The following PCTP variants were observed in gnomAD, a reference collection of about 807,000 sequenced individuals.
PCTP encodes phosphatidylcholine transfer protein.
Under a neutral mutation model 31.0 loss-of-function variants are expected in PCTP, and 27 were observed. The observed-to-expected ratio is 0.87, with a 90% confidence interval of 0.64 to 1.20. The LOEUF (loss-of-function observed/expected upper bound fraction) is 1.20. Among genes scored for constraint, PCTP ranks in the 50% most tolerant of loss-of-function variants. The pLI, the probability that PCTP is intolerant of heterozygous loss-of-function variation, is 0.00. For missense variants in PCTP, 287 were observed against 268.2 expected, an observed-to-expected ratio of 1.07 and a Z score of -0.49; for synonymous variants, 108 against 101.2, an observed-to-expected ratio of 1.07 and a Z score of -0.40.
At chr17:55,818,122 T>G (rs1174390218) in intron 3 of PCTP, among the ~76,000 whole-genome samples, 2 of 152,082 alleles carry the variant, frequency 1.3e-5, no homozygotes. Context: ...AAAGTAAGAA[T>G]AGAAGTTAGC....
At chr17:55,838,701 C>G (rs979577480) in intron 5 of PCTP, among the ~76,000 whole-genome samples, 3 of 152,180 alleles carry the variant, frequency 2.0e-5, no homozygotes, top group African/African-American at 7.2e-5. Flanking sequence ...TAATGTGAAC[C>G]AAGCAATTTA....
intron 1 of PCTP, among the ~76,000 whole-genome samples, chr17:55,757,426 T>G (rs986698771): frequency 6.8e-6 from 1 of 147,534 alleles, no homozygotes; most frequent in East Asian, 2.1e-4. Flanking sequence ...AGTATCCTGG[T>G]TTTGCAAATG....
At chr17:55,783,594 G>A (rs933179494) in intron 2 of PCTP, among the ~76,000 whole-genome samples, 3 of 152,190 alleles carry the variant, frequency 2.0e-5, no homozygotes, top group African/African-American at 7.2e-5. Context: ...CTTATGAGGG[G>A]CTGGATCTGC....
intron 1 of PCTP, 34 bp from the exon 2 acceptor site, chr17:55,767,300 AC>A: frequency 1.5e-6 from 2 of 1,324,562 alleles, no homozygotes; most frequent in Non-Finnish European, 2.1e-6. Context: ...CAACTTGGGA[AC>A]CAATAGACAT....
In PCTP at chr17:55,773,908, G is replaced by A. The variant is rs780788256; in HGVS notation, c.511+13G>A. The A allele has an allele frequency of 5.7e-6, 9 of 1,579,082 alleles. No homozygotes were observed. Among genetic ancestry groups the A allele is most frequent in the Non-Finnish European group, 7.8e-6 (9 of 1,159,362 alleles). On this transcript the variant is annotated intron_variant, in intron 4 of 5. Transcript: ENST00000268896. The stretch of plus-strand genomic sequence containing the variant: ...AAGGGGAGCAAAGGTAAAACCCATG[G>A]TGCCTGTCAGTGCACCCAGCCAGGG...
intron 5 of PCTP, among the ~76,000 whole-genome samples, chr17:55,841,400 G>A (rs944897391): frequency 6.6e-5 from 10 of 152,224 alleles, no homozygotes; most frequent in African/African-American, 2.4e-4. Flanking sequence ...AGAGTTGGGT[G>A]AGCATGGAGG....
intron 1 of PCTP, among the ~76,000 whole-genome samples, chr17:55,752,700 C>T (rs1256129401): frequency 6.6e-6 from 1 of 152,126 alleles, no homozygotes; most frequent in Non-Finnish European, 1.5e-5. Context: ...GCTAAGCTGC[C>T]ATATTTACTT....
intron 2 of PCTP, among the ~76,000 whole-genome samples, chr17:55,768,546 G>C (rs2144949488): frequency 6.6e-6 from 1 of 152,328 alleles, no homozygotes; most frequent in South Asian, 2.1e-4. Flanking sequence ...TGTTGGGTTG[G>C]TTGGAGTAAG....
chr17:55,791,245 G>A (rs1325507166), intron 3 of PCTP, among the ~76,000 whole-genome samples: 3 of 152,002 alleles, frequency 2.0e-5, no homozygotes, highest in Non-Finnish European at 4.4e-5. Context: ...ACAGGCATGG[G>A]CAAGGACTTC....
At chr17:55,757,094 G>A (rs909213563) in intron 1 of PCTP, among the ~76,000 whole-genome samples, 4 of 151,582 alleles carry the variant, frequency 2.6e-5, no homozygotes, top group African/African-American at 4.8e-5. Context: ...AGTGTGTATT[G>A]GAATCTCAAA....
At chr17:55,805,307 C>A (rs890525305) in intron 3 of PCTP, among the ~76,000 whole-genome samples, 51 of 152,038 alleles carry the variant, frequency 3.4e-4, no homozygotes, top group African/African-American at 1.2e-3. Flanking sequence ...ATACCCATTA[C>A]CCAATAGTGA....
chr17:55,753,045 C>G (rs1035000852), intron 1 of PCTP, among the ~76,000 whole-genome samples: 4 of 152,220 alleles, frequency 2.6e-5, no homozygotes, highest in African/African-American at 4.8e-5. Context: ...GCCACCACAC[C>G]CAGCCAGGCA....
chr17:55,771,210 T>C, intron 3 of PCTP, 25 bp downstream of exon 3: 3 of 1,549,452 alleles, frequency 1.9e-6, no homozygotes, highest in Middle Eastern at 1.7e-4. Context: ...AGGTACTCAT[T>C]CCCTGGCCCT....
chr17:55,837,343 A>G (rs568846621), intron 5 of PCTP, among the ~76,000 whole-genome samples: 3 of 152,342 alleles, frequency 2.0e-5, no homozygotes, highest in East Asian at 3.9e-4. Context: ...GAGAGACAAG[A>G]ACGTGTGCAC....
downstream of PCTP, among the ~76,000 whole-genome samples, chr17:55,845,817 C>A (rs1906130940): frequency 6.6e-6 from 1 of 151,724 alleles, no homozygotes; most frequent in Non-Finnish European, 1.5e-5. Flanking sequence ...ATTCTCCCAT[C>A]TTTAGCCACT....
At chr17:55,849,268 G>A in the PCTP span, among the ~76,000 whole-genome samples, 10 of 152,148 alleles carry the variant, frequency 6.6e-5, no homozygotes, top group African/African-American at 1.2e-4. Flanking sequence ...ATATTAGATG[G>A]CTGAAAAGGA....
intron 5 of PCTP, among the ~76,000 whole-genome samples, chr17:55,839,026 A>G (rs1211823225): frequency 6.6e-6 from 1 of 152,194 alleles, no homozygotes; most frequent in Non-Finnish European, 1.5e-5. Flanking sequence ...CAAAAACCAA[A>G]CAAAACAAAA....
At chr17:55,785,030 A>G (rs1320244724) in intron 2 of PCTP, among the ~76,000 whole-genome samples, 9 of 152,230 alleles carry the variant, frequency 5.9e-5, no homozygotes, top group Admixed American at 5.9e-4. Flanking sequence ...CCACATCTGT[A>G]TATTCACTTC....
intron 3 of PCTP, among the ~76,000 whole-genome samples, chr17:55,820,574 A>C (rs1913081847): frequency 6.6e-6 from 1 of 152,258 alleles, no homozygotes; most frequent in Admixed American, 6.5e-5. Context: ...TAAAGGCCCT[A>C]CATCTTAATA....
Sources: gnomAD v4.1 joint callset for allele counts (sites outside exome capture counted in the v4.1 genomes callset) on GRCh38, gnomAD v4.1.1 for gene constraint, MANE v1.5 for transcripts, NCBI Gene and HGNC (gene_info 2026-07-23, HGNC 2026-07-21) for gene names.